Variants in RNF212B observed in about 807,000 individuals in gnomAD.
RNF212B encodes the protein E3 ubiquitin-protein ligase RNF212B.
In RNF212B, 52 loss-of-function variants were observed where a neutral mutation model predicts 55.5. The ratio of observed to expected loss-of-function variants is 0.94; its 90% confidence interval spans 0.75 to 1.18. The LOEUF is 1.18. Ranked by LOEUF, RNF212B falls within the 50% of genes most tolerant of loss-of-function variation. RNF212B has a pLI of 0.00. For synonymous variants in RNF212B, 99 were observed against 121.4 expected, an observed-to-expected ratio of 0.82 and a Z score of 1.21; for missense variants, 289 against 350.4, an observed-to-expected ratio of 0.82 and a Z score of 1.40.
intron 4 of RNF212B, among the ~76,000 whole-genome samples, chr14:23,255,677 C>A (rs973237436): frequency 2.6e-5 from 4 of 151,990 alleles, no homozygotes; most frequent in Non-Finnish European, 5.9e-5. Context: ...CCAGTCTGGG[C>A]AATATAGCAA....
chr14:23,241,378 A>G (rs1005842657), intron 2 of RNF212B, among the ~76,000 whole-genome samples: 1 of 152,118 alleles, frequency 6.6e-6, no homozygotes, highest in Non-Finnish European at 1.5e-5. Context: ...ACACTGGGCT[A>G]AAGAGCCTGA....
At chr14:23,236,900 T>G (rs140114129), upstream of RNF212B, among the ~76,000 whole-genome samples, 189 of 151,158 alleles carry the variant, frequency 1.3e-3, no homozygotes, top group African/African-American at 4.2e-3. Flanking sequence ...AAAATGTTGT[T>G]TCATTGTTAT....
chr14:23,208,757 G>GGTTTTTT (rs1182142805), intron 2 of RNF212B, among the ~76,000 whole-genome samples: 2 of 98,110 alleles, frequency 2.0e-5, no homozygotes, highest in Non-Finnish European at 3.6e-5. Context: ...GCTGGTTGCC[G>GGTTTTTT]TTTTTTTTTT....
chr14:23,264,805 C>T, intron 11 of RNF212B, 134 bp downstream of exon 11: 2 of 356,714 alleles, frequency 5.6e-6, no homozygotes, highest in Non-Finnish European at 9.8e-6. Flanking sequence ...TGTATCCATA[C>T]ATATATTACA....
intron 11 of RNF212B, among the ~76,000 whole-genome samples, chr14:23,268,304 T>C (rs1885838371): frequency 6.6e-6 from 1 of 152,200 alleles, no homozygotes; most frequent in Non-Finnish European, 1.5e-5. Flanking sequence ...GCCAGACTGT[T>C]GGGTTTCATC....
intron 2 of RNF212B, among the ~76,000 whole-genome samples, chr14:23,209,550 A>G (rs1027441943): frequency 3.9e-5 from 6 of 152,216 alleles, no homozygotes; most frequent in Non-Finnish European, 1.5e-5. Context: ...ATGATTGACT[A>G]AAAGACTAAA....
chr14:23,218,295 G>A (rs905523032), intron 2 of RNF212B, among the ~76,000 whole-genome samples: 1 of 152,020 alleles, frequency 6.6e-6, no homozygotes, highest in Non-Finnish European at 1.5e-5. Flanking sequence ...TTGAACCTGG[G>A]AGGTGGAGGT....
chr14:23,192,299 A>G (rs999871759), intron 1 of RNF212B, among the ~76,000 whole-genome samples: 34 of 152,244 alleles, frequency 2.2e-4, no homozygotes, highest in Admixed American at 2.0e-3. Context: ...ATGTTCATCA[A>G]TGATAGACTG....
At chr14:23,185,691 C>T (rs993796930) in intron 1 of RNF212B, among the ~76,000 whole-genome samples, 2 of 152,148 alleles carry the variant, frequency 1.3e-5, no homozygotes, top group African/African-American at 4.8e-5. Context: ...TGGAATACAG[C>T]GGTACTAGGT....
rs190129008 is a variant in RNF212B, at chr14:23,190,714, G to A, written c.-78-2611G>A. Among the ~76,000 whole-genome samples, 5 of 152,204 alleles carry A rather than the reference G, an allele frequency of 3.3e-5. No individual in the cohort carries two copies. In the East Asian group the frequency reaches 5.8e-4, roughly 18 times the overall value. ...TTCCCCTACACTTTATTCTCTACAC[G>A]GCAGCCAGAATGATCCTTCGTAATC... is the stretch of plus-strand genomic sequence containing the variant. On this transcript the variant is annotated intron_variant, in intron 1 of 15. Coordinates refer to the RNF212B transcript ENST00000399910.
At chr14:23,244,224 G>T (rs1371420840) in intron 3 of RNF212B, 98 bp from the exon 4 acceptor site, 4 of 647,346 alleles carry the variant, frequency 6.2e-6, no homozygotes, top group Admixed American at 3.0e-5. Flanking sequence ...ATAATGTCAG[G>T]TACATTAGAA....
chr14:23,213,064 G>C (rs1880687374), intron 2 of RNF212B, among the ~76,000 whole-genome samples: 1 of 151,972 alleles, frequency 6.6e-6, no homozygotes, highest in Non-Finnish European at 1.5e-5. Context: ...TGTAATCCCA[G>C]CACTTTGGGA....
At chr14:23,231,693 G>A (rs1475634132) in intron 2 of RNF212B, among the ~76,000 whole-genome samples, 5 of 151,488 alleles carry the variant, frequency 3.3e-5, no homozygotes, top group Middle Eastern at 3.4e-3. Flanking sequence ...ATGCTGAGCC[G>A]AAGCTGGACT....
At chr14:23,213,396 T>C (rs1028739037) in intron 2 of RNF212B, among the ~76,000 whole-genome samples, 3 of 152,152 alleles carry the variant, frequency 2.0e-5, no homozygotes, top group Non-Finnish European at 2.9e-5. Flanking sequence ...GTTCATGAGA[T>C]GGAAGACTCA....
intron 14 of RNF212B, 96 bp from the exon 15 acceptor site, chr14:23,272,727 C>G (rs1886198770): frequency 1.3e-6 from 1 of 774,884 alleles, no homozygotes; most frequent in East Asian, 2.7e-5. Context: ...GCAGTGGTGT[C>G]TGTCTCGATA....
chr14:23,231,093 A>G (rs1280552779), intron 2 of RNF212B, among the ~76,000 whole-genome samples: 1 of 152,202 alleles, frequency 6.6e-6, no homozygotes, highest in Non-Finnish European at 1.5e-5. Context: ...TGTTTTGACT[A>G]TTCTAAGTTT....
chr14:23,253,551 C>A (rs948010797), intron 4 of RNF212B, among the ~76,000 whole-genome samples: 2 of 152,022 alleles, frequency 1.3e-5, no homozygotes, highest in Non-Finnish European at 2.9e-5. Flanking sequence ...TGAGGCAAGA[C>A]CACTTTATTC....
intron 14 of RNF212B, chr14:23,272,562 A>G (rs1886186106): frequency 2.1e-6 from 1 of 467,816 alleles, no homozygotes; most frequent in South Asian, 2.2e-5. Flanking sequence ...CATATGTCCC[A>G]GATTTTCCAA....
chr14:23,233,578 A>G (rs1284266326), upstream of RNF212B, among the ~76,000 whole-genome samples: 4 of 147,220 alleles, frequency 2.7e-5, no homozygotes, highest in Non-Finnish European at 4.5e-5. Flanking sequence ...AAAAAAAAAA[A>G]AAAAAATAGA....
Sources: gnomAD v4.1 joint callset for allele counts (sites outside exome capture counted in the v4.1 genomes callset) on GRCh38, gnomAD v4.1.1 for gene constraint, MANE v1.5 for transcripts, NCBI Gene and HGNC (gene_info 2026-07-23, HGNC 2026-07-21) for gene names.